Variants in SLC22A17 observed in about 807,000 individuals in gnomAD.
SLC22A17 encodes the protein solute carrier family 22 member 17, also known as 24p3 receptor.
SLC22A17 carries 38 observed loss-of-function variants against 53.6 expected under a neutral mutation model. That is an observed-to-expected ratio of 0.71 (90% CI 0.55 to 0.93). The LOEUF (loss-of-function observed/expected upper bound fraction) is 0.93, where lower values mean the gene tolerates loss of function less well. Ranked by LOEUF, SLC22A17 falls within the 40% of genes least tolerant of loss-of-function variation. SLC22A17 has a pLI of 0.00. For missense variants in SLC22A17, 704 were observed against 791.0 expected (o/e 0.89, Z 1.32); for synonymous variants, 379 against 353.0 (o/e 1.07, Z -0.82).
chr14:23,349,776 G>T (rs1206159270), intron 3 of SLC22A17: 1 of 309,678 alleles, frequency 3.2e-6, no homozygotes, highest in African/African-American at 2.1e-5. Context: ...AGAGCTAATG[G>T]TCAGTGGGCC....
rs140140690 is a variant in SLC22A17, at chr14:23,347,068, C to T, written c.1661+33G>A. On this transcript the variant is annotated intron_variant, in intron 9 of 9. Transcript: ENST00000397267. This position sits in a 1 kb window ranked among gnomAD's most constrained non-coding sequence, Gnocchi z 5.1. ...TGGGGGAGCGGGAGGCGAGGGGGCC[C>T]GGCTCTGCCCCTGGGGGCACCCCTG... 217 of 1,582,642 alleles carry T rather than the reference C, an allele frequency of 1.4e-4. No homozygotes were observed. In the African/African-American group the frequency reaches 2.1e-3, roughly 16 times the overall value.
Position 23,347,142 on chromosome 14 carries a change from G to A in SLC22A17, c.1620C>T (p.Leu540=). 8.7e-6 allele frequency: 14 copies of A among 1,613,986 alleles called. No individual in the cohort carries two copies. The highest frequency in any genetic ancestry group is 1.1e-5 in the Non-Finnish European group (13 of 1,179,986). Residue 540 remains leucine (L), a synonymous_variant, in exon 9 of 10, where the codon CTC becomes CTT. Coordinates refer to ENST00000397267, the Ensembl canonical transcript of SLC22A17. This position sits in a 1 kb window ranked among gnomAD's most constrained non-coding sequence, Gnocchi z 5.1. Reference sequence around the variant, plus strand: ...TGACCTCAGCAGCAAGGAGGGTGCTGAGGATGGCGGCAGCTTGGGAGGAGA... The same window carrying A: ...TGACCTCAGCAGCAAGGAGGGTGCTAAGGATGGCGGCAGCTTGGGAGGAGA...
rs780884240 is a variant in SLC22A17, at chr14:23,352,020, C to T, written c.528G>A (p.Pro176=). ...AATCCTTGAGGCAATGGTTGAAGTC[C>T]GGCGGGGCGAAGCCGCTGCACGAGG... The change falls in exon 2 of 10, where the codon CCG becomes CCA. Residue 176 remains proline, a synonymous_variant. Coordinates refer to ENST00000397267, the Ensembl canonical transcript of SLC22A17. This position sits in a 1 kb window ranked among gnomAD's most constrained non-coding sequence, Gnocchi z 7.2. 2 of 1,610,616 alleles carry T rather than the reference C, an allele frequency of 1.2e-6. No individual in the cohort carries two copies. Among genetic ancestry groups the T allele is most frequent in the East Asian group, 2.2e-5 (1 of 44,732 alleles).
In SLC22A17 at chr14:23,347,476, T is replaced by C. The variant is rs748442164; in HGVS notation, c.1533A>G (p.Gln511=). ...CTGAAGCACCTCTGTTGGGGTTCCCTTGTTGAGCCCACACTGTGGGGAAGA... is the reference window on the plus strand; with the variant it reads ...CTGAAGCACCTCTGTTGGGGTTCCCCTGTTGAGCCCACACTGTGGGGAAGA... The change falls in exon 8 of 10, where the codon CAA becomes CAG. Residue 511 remains glutamine, a synonymous_variant. Coordinates refer to ENST00000397267, the Ensembl canonical transcript of SLC22A17. This position sits in a 1 kb window ranked among gnomAD's most constrained non-coding sequence, Gnocchi z 5.1. 6.2e-7 allele frequency: 1 copy of C among 1,613,926 alleles called. No homozygotes were observed. The highest frequency in any genetic ancestry group is 8.5e-7 in the Non-Finnish European group (1 of 1,179,918).
rs1349476414 is a variant in SLC22A17 at position 23,348,056 on chromosome 14, A to T, written c.1172-60T>A. The stretch of plus-strand genomic sequence containing the variant: ...CCCTGAGATCCCAGGATCCTCCCAC[A>T]TGGGTGGTGGGGACCCTGGGAGAAG... On this transcript the variant is annotated intron_variant, in intron 6 of 9. Transcript: ENST00000397267. This position sits in a 1 kb window ranked among gnomAD's most constrained non-coding sequence, Gnocchi z 4.5. 6.2e-6 allele frequency: 10 copies of T among 1,605,974 alleles called. No homozygotes were observed. The highest frequency in any genetic ancestry group is 8.5e-6 in the Non-Finnish European group (10 of 1,173,226).
Position 23,352,023 on chromosome 14 carries a change from C to A in SLC22A17, c.525G>T (p.Pro175=). The stretch of plus-strand genomic sequence containing the variant: ...CCTTGAGGCAATGGTTGAAGTCCGG[C>A]GGGGCGAAGCCGCTGCACGAGGGGT... Residue 175 remains proline (P), a synonymous_variant, in exon 2 of 10, where the codon CCG becomes CCT. Coordinates refer to ENST00000397267, the Ensembl canonical transcript of SLC22A17. This position sits in a 1 kb window ranked among gnomAD's most constrained non-coding sequence, Gnocchi z 7.2. The A allele has an allele frequency of 6.2e-7, 1 of 1,609,958 alleles. No individual in the cohort carries two copies. The highest frequency in any genetic ancestry group is 8.5e-7 in the Non-Finnish European group (1 of 1,178,242).
chr14:23,351,975 A>T, exon 2 of SLC22A17: 1 of 1,612,950 alleles, frequency 6.2e-7, no homozygotes. Flanking sequence ...TGGTGAGCAC[A>T]GGAAGGCCAT....
At position 23,347,796 on chromosome 14, in the gene SLC22A17, C is replaced by T. The variant is rs1889324309; in HGVS notation, c.1278-65G>A. 1.1e-5 allele frequency: 18 copies of T among 1,610,898 alleles called. No individual in the cohort carries two copies. The highest frequency in any genetic ancestry group is 8.8e-5 in the South Asian group (8 of 90,772). On this transcript the variant is annotated intron_variant, in intron 7 of 9. Coordinates refer to ENST00000397267, the Ensembl canonical transcript of SLC22A17. This position sits in a 1 kb window ranked among gnomAD's most constrained non-coding sequence, Gnocchi z 5.1. Reference sequence around the variant, plus strand: ...TCCCCTCCCGCAGCCTTCTACAGTGCTGATGGTCCTCCGCAGGGGTCCCCG... The same window carrying T: ...TCCCCTCCCGCAGCCTTCTACAGTGTTGATGGTCCTCCGCAGGGGTCCCCG...
At chr14:23,349,245 A>G in intron 4 of SLC22A17, 27 bp downstream of exon 4, 5 of 1,613,754 alleles carry the variant, frequency 3.1e-6, no homozygotes, top group Non-Finnish European at 4.2e-6. Context: ...GACCCAAGGG[A>G]GGGAATTCTG....
At position 23,347,499 on chromosome 14, in the gene SLC22A17, A is replaced by G. The variant is rs374738708; in HGVS notation, c.1510T>C (p.Phe504Leu). 17 of 1,613,890 alleles carry G rather than the reference A, an allele frequency of 1.1e-5. No homozygotes were observed. Among genetic ancestry groups the G allele is most frequent in the Non-Finnish European group, 1.4e-5 (17 of 1,179,944 alleles). The change falls in exon 8 of 10, where the codon TTC becomes CTC. Residue 504 changes from phenylalanine to leucine, a missense_variant. Physicochemically the swap from Phe to Leu is conservative, Grantham distance 22. Around this residue, in one of 4 missense-constraint regions of SLC22A17, gnomAD observed 435 missense variants for 529.0 expected, o/e 0.82. Transcript: ENST00000397267. This position sits in a 1 kb window ranked among gnomAD's most constrained non-coding sequence, Gnocchi z 5.1. ...CCTTGTTGAGCCCACACTGTGGGGA[A>G]GATAGGATGCTCACAATCCCACAGG... is the stretch of plus-strand genomic sequence containing the variant.
chr14:23,346,610 G>A, exon 10 of SLC22A17: 1 of 1,442,124 alleles, frequency 6.9e-7, no homozygotes, highest in Non-Finnish European at 9.1e-7. Context: ...CCACCTTTCT[G>A]TGTGGGCCAG....
chr14:23,346,497 G>T, exon 10 of SLC22A17: 1 of 957,218 alleles, frequency 1.0e-6, no homozygotes, highest in Non-Finnish European at 1.5e-6. Context: ...GGAGGAGGCA[G>T]GGTGGGGACG....
In SLC22A17 at chr14:23,352,775, C is replaced by G. The variant is rs1889727129; in HGVS notation, c.-34G>C. The G allele has an allele frequency of 2.5e-6, 1 of 398,780 alleles. No individual in the cohort carries two copies. Among genetic ancestry groups the G allele is most frequent in the East Asian group, 3.6e-5 (1 of 28,054 alleles). The allele number at this position is 398,780 out of a possible 1,614,324, so 24.7% of individuals were successfully genotyped here. On this transcript the variant is annotated 5_prime_UTR_variant, in exon 1 of 10. Coordinates refer to ENST00000397267, the Ensembl canonical transcript of SLC22A17. This position sits in a 1 kb window ranked among gnomAD's most constrained non-coding sequence, Gnocchi z 7.2. Reference sequence around the variant, plus strand: ...CCGCAGGGGCCCTGCCGGCCCGCGCCGAAAGGATGCGCTGTCCTCTGGCTC... The same window carrying G: ...CCGCAGGGGCCCTGCCGGCCCGCGCGGAAAGGATGCGCTGTCCTCTGGCTC...
exon 10 of SLC22A17, chr14:23,346,530 G>GCTGGC: frequency 7.8e-7 from 1 of 1,279,526 alleles, no homozygotes; most frequent in Admixed American, 3.0e-5. Context: ...CTCCGCGATG[G>GCTGGC]CTGGCGTGAG....
Position 23,352,406 on chromosome 14 carries a change from C to T in SLC22A17, c.142G>A (p.Gly48Ser). The change falls in exon 2 of 10, where the codon GGT becomes AGT. Residue 48 changes from glycine (G) to serine (S), a missense_variant. Transcript: ENST00000397267. The surrounding 1 kb of genome is among the most constrained non-coding windows in gnomAD (Gnocchi z 7.2). ...CCCTCCCGCTCGCGCTCCCGCTCAC[C>T]CTGCAGCTGCTCCGTGGGCACCGCA... The T allele has an allele frequency of 3.6e-6, 2 of 550,770 alleles. No individual in the cohort carries two copies. Among genetic ancestry groups the T allele is most frequent in the Non-Finnish European group, 3.0e-6 (1 of 334,820 alleles). The allele number at this position is 550,770 out of a possible 1,614,324, so 34.1% of individuals were successfully genotyped here. A position where few individuals can be genotyped will look rare whatever the true frequency, so the allele number is the denominator to read the frequency against.
At chr14:23,350,382 A>T (rs147502001) in intron 3 of SLC22A17, among the ~76,000 whole-genome samples, 7 of 152,224 alleles carry the variant, frequency 4.6e-5, no homozygotes, top group African/African-American at 1.4e-4. Context: ...TTAATCCATA[A>T]GGTAGGACTA....
In SLC22A17 at chr14:23,348,099, A is replaced by G. The variant is rs940689201; in HGVS notation, c.1171+62T>C. Reference sequence around the variant, plus strand: ...GGGAGAAGGTGGCACAGCTACAGCCATGCAGAGGGCACCATCATGTGTGCA... The same window carrying G: ...GGGAGAAGGTGGCACAGCTACAGCCGTGCAGAGGGCACCATCATGTGTGCA... On this transcript the variant is annotated intron_variant, in intron 6 of 9. Coordinates refer to ENST00000397267, the Ensembl canonical transcript of SLC22A17. The surrounding 1 kb of genome is among the most constrained non-coding windows in gnomAD (Gnocchi z 4.5). 3 of 1,609,546 alleles carry G rather than the reference A, an allele frequency of 1.9e-6. No homozygotes were observed. In the African/African-American group the frequency reaches 4.0e-5, roughly 21 times the overall value.
chr14:23,350,741 A>G (rs1889573797), intron 3 of SLC22A17, among the ~76,000 whole-genome samples: 1 of 152,180 alleles, frequency 6.6e-6, no homozygotes, highest in Non-Finnish European at 1.5e-5. Context: ...TTGGGGATGA[A>G]ACCATGGTTC....
In SLC22A17 at chr14:23,347,354, A is replaced by G; in HGVS notation, c.1549+106T>C. ...ATTCAGTAATTGACTGGGAGAGCAG[A>G]TGGGGCTGTGGGGCCAGGTGGAGGC... On this transcript the variant is annotated intron_variant, in intron 8 of 9. Transcript: ENST00000397267. The surrounding 1 kb of genome is among the most constrained non-coding windows in gnomAD (Gnocchi z 5.1). 1 of 1,507,090 alleles carries G rather than the reference A, an allele frequency of 6.6e-7. No individual in the cohort carries two copies. Among genetic ancestry groups the G allele is most frequent in the Non-Finnish European group, 9.0e-7 (1 of 1,115,296 alleles). 93.4% of individuals were successfully genotyped at this position (1,507,090 alleles called of 1,614,324 possible). A position where few individuals can be genotyped will look rare whatever the true frequency, so the allele number is the denominator to read the frequency against.
Sources: gnomAD v4.1 joint callset for allele counts (sites outside exome capture counted in the v4.1 genomes callset) on GRCh38, gnomAD v4.1.1 for gene constraint, gnomAD v4.1.1 regional missense constraint, Gnocchi (gnomAD v3.1) non-coding constraint, MANE v1.5 for transcripts, NCBI Gene and HGNC (gene_info 2026-07-23, HGNC 2026-07-21) for gene names.